TMEM135: variants seen among roughly 807,000 people sequenced by gnomAD.
TMEM135 encodes transmembrane protein 135.
TMEM135 carries 30 observed loss-of-function variants against 60.3 expected under a neutral mutation model. The ratio of observed to expected loss-of-function variants is 0.50; its 90% CI spans 0.37 to 0.68. TMEM135 has a LOEUF of 0.68. Ranked by LOEUF, TMEM135 falls within the 30% of genes least tolerant of loss-of-function variation. The pLI is 0.00. For synonymous variants in TMEM135, 190 were observed against 186.7 expected, an observed-to-expected ratio of 1.02 and a Z score of -0.14; for missense variants, 468 against 548.8, an observed-to-expected ratio of 0.85 and a Z score of 1.47.
intron 6 of TMEM135, among the ~76,000 whole-genome samples, chr11:87,247,588 A>G (rs61906775): frequency 2.6e-5 from 4 of 152,048 alleles, no homozygotes; most frequent in East Asian, 1.9e-4. Flanking sequence ...CCTCGCTGCC[A>G]CCTTGCAGTT....
At chr11:87,145,913 CA>C (rs1232085951) in intron 4 of TMEM135, among the ~76,000 whole-genome samples, 3 of 152,116 alleles carry the variant, frequency 2.0e-5, no homozygotes, top group African/African-American at 7.2e-5. Flanking sequence ...CTTTGCTATG[CA>C]GAAGCTTTTT....
At chr11:87,144,262 G>A (rs896890737) in intron 4 of TMEM135, among the ~76,000 whole-genome samples, 1 of 152,022 alleles carries the variant, frequency 6.6e-6, no homozygotes, top group Non-Finnish European at 1.5e-5. Flanking sequence ...ATGCCTATCC[G>A]AGTAGATAAA....
chr11:87,225,095 C>A (rs2135360454), intron 5 of TMEM135, among the ~76,000 whole-genome samples: 1 of 152,170 alleles, frequency 6.6e-6, no homozygotes, highest in Non-Finnish European at 1.5e-5. Context: ...CTTACTGTTT[C>A]ATCTACTATA....
At chr11:87,157,069 C>CTTTTT (rs1354998761) in intron 4 of TMEM135, among the ~76,000 whole-genome samples, 1 of 122,398 alleles carries the variant, frequency 8.2e-6, no homozygotes, top group Non-Finnish European at 1.6e-5. Flanking sequence ...TTCTTTCTTT[C>CTTTTT]TTTTGTTTTT....
At chr11:87,292,047 C>A (rs1942275102) in intron 6 of TMEM135, among the ~76,000 whole-genome samples, 1 of 152,142 alleles carries the variant, frequency 6.6e-6, no homozygotes, top group South Asian at 2.1e-4. Flanking sequence ...TCTTTACATG[C>A]CAAGCTGACT....
intron 2 of TMEM135, among the ~76,000 whole-genome samples, chr11:87,069,793 GTTTC>G (rs1856740469): frequency 6.6e-6 from 1 of 152,120 alleles, no homozygotes; most frequent in Non-Finnish European, 1.5e-5. Flanking sequence ...CAGGTGGAAG[GTTTC>G]TGATGTCCAT....
chr11:87,141,424 C>T (rs521252), intron 4 of TMEM135, among the ~76,000 whole-genome samples: 52,753 of 151,826 alleles, frequency 0.35, 9,567 homozygotes, highest in East Asian at 0.61. Context: ...GTATTGAATA[C>T]GTACATTGTT....
intron 6 of TMEM135, among the ~76,000 whole-genome samples, chr11:87,270,590 T>C (rs1265824462): frequency 6.6e-6 from 1 of 152,200 alleles, no homozygotes; most frequent in Non-Finnish European, 1.5e-5. Flanking sequence ...TACATCCTCT[T>C]TTAATATGAA....
At chr11:87,083,360 A>G (rs1383924276) in intron 3 of TMEM135, among the ~76,000 whole-genome samples, 1 of 152,230 alleles carries the variant, frequency 6.6e-6, no homozygotes, top group Non-Finnish European at 1.5e-5. Context: ...TTTGTGGTTT[A>G]GAAAGAAGTT....
intron 4 of TMEM135, among the ~76,000 whole-genome samples, chr11:87,102,754 A>G (rs552737113): frequency 3.4e-5 from 5 of 148,634 alleles, no homozygotes; most frequent in African/African-American, 1.2e-4. Context: ...ATATGTATAT[A>G]TACAGCATGA....
intron 3 of TMEM135, among the ~76,000 whole-genome samples, chr11:87,082,815 C>G (rs992421034): frequency 1.3e-5 from 2 of 152,142 alleles, no homozygotes; most frequent in African/African-American, 4.8e-5. Flanking sequence ...CTAGCAGTTT[C>G]TTTTTAAAAA....
chr11:87,138,034 A>G (rs576952188), intron 4 of TMEM135, among the ~76,000 whole-genome samples: 5 of 151,748 alleles, frequency 3.3e-5, no homozygotes, highest in African/African-American at 1.2e-4. Context: ...TTTCCTGTGT[A>G]CTGAATGAAA....
At chr11:87,040,664 A>C (rs920602059) in intron 1 of TMEM135, among the ~76,000 whole-genome samples, 2 of 148,594 alleles carry the variant, frequency 1.3e-5, no homozygotes, top group Non-Finnish European at 3.0e-5. Context: ...CTCCATCACA[A>C]AAAAAAAAAA....
At chr11:87,133,797 CT>C (rs1477353456) in intron 4 of TMEM135, among the ~76,000 whole-genome samples, 1 of 115,174 alleles carries the variant, frequency 8.7e-6, no homozygotes, top group Non-Finnish European at 1.9e-5. Flanking sequence ...AGTACATACT[CT>C]CTTTTTTTAT....
rs556969772 is a variant in TMEM135, at chr11:87,083,871, AT to A, written c.363-7488del. Among the ~76,000 whole-genome samples, 122 of 152,226 alleles carry A rather than the reference AT, an allele frequency of 8.0e-4. 6 individuals carry two copies. The South Asian group carries it at 0.024, about 30-fold the overall frequency. ...AGATTTTCTGAGATGATTAAATAGC[AT>A]TTCTTAATAAGCCATTACAATGTTT... On this transcript the variant is annotated intron_variant, in intron 3 of 14. Transcript: ENST00000305494.
intron 1 of TMEM135, among the ~76,000 whole-genome samples, chr11:87,057,470 T>C (rs574159855): frequency 2.3e-4 from 35 of 152,316 alleles, no homozygotes; most frequent in Non-Finnish European, 4.1e-4. Context: ...GGCAGCATGG[T>C]GTAATGCACT....
At chr11:87,108,667 A>G (rs1450654364) in intron 4 of TMEM135, among the ~76,000 whole-genome samples, 1 of 152,056 alleles carries the variant, frequency 6.6e-6, no homozygotes, top group African/African-American at 2.4e-5. Flanking sequence ...TTTTTGACCT[A>G]GGCGTTTAGT....
At chr11:87,125,997 C>T (rs1937714837) in intron 4 of TMEM135, among the ~76,000 whole-genome samples, 1 of 152,104 alleles carries the variant, frequency 6.6e-6, no homozygotes, top group Non-Finnish European at 1.5e-5. Context: ...ATTTCCCTGC[C>T]ATTCTCACTC....
intron 4 of TMEM135, among the ~76,000 whole-genome samples, chr11:87,112,431 T>C (rs552568188): frequency 6.6e-6 from 1 of 152,292 alleles, no homozygotes; most frequent in South Asian, 2.1e-4. Context: ...ACAGAGTTTT[T>C]ATCATTTGTA....
Sources: gnomAD v4.1 joint callset for allele counts (sites outside exome capture counted in the v4.1 genomes callset) on GRCh38, gnomAD v4.1.1 for gene constraint, MANE v1.5 for transcripts, NCBI Gene and HGNC (gene_info 2026-07-23, HGNC 2026-07-21) for gene names.